ANK3: variants seen among roughly 807,000 people sequenced by gnomAD.
The protein encoded by ANK3 is ankyrin 3, also known as ankyrin-3.
A neutral mutation model predicts 370.9 loss-of-function variants in ANK3; 57 were observed. That is an observed-to-expected ratio of 0.15 (90% CI 0.12 to 0.19). ANK3 has a LOEUF of 0.19. Among genes scored for constraint, ANK3 ranks in the 10% least tolerant of loss-of-function variants. The pLI is 1.00. For missense variants in ANK3, 4,439 were observed against 5,302.1 expected (o/e 0.84, Z 5.06); for synonymous variants, 1,929 against 1,946.3 (o/e 0.99, Z 0.23).
intron 1 of ANK3, among the ~76,000 whole-genome samples, chr10:60,636,941 G>A (rs7069933): frequency 1.3e-5 from 2 of 152,310 alleles, no homozygotes; most frequent in South Asian, 2.1e-4. Flanking sequence ...TAGGGCAGTG[G>A]ATTTCACTTG....
rs183056466 is a variant in ANK3 at position 60,553,485 on chromosome 10, T to C, written c.96+61701A>G. On this transcript the variant is annotated intron_variant, in intron 2 of 43. Transcript: ENST00000373827. ...AATAAAATAAATACCTGCTGATATG[T>C]ACTAATTTGGAAATCTGAAATTCTA... Among the ~76,000 whole-genome samples, 250 of 152,304 alleles carry C rather than the reference T, an allele frequency of 1.6e-3. 1 individual carries two copies. The highest frequency in any genetic ancestry group is 5.7e-3 in the African/African-American group (237 of 41,564).
At chr10:60,034,567 G>T (rs2074484820) in intron 43 of ANK3, among the ~76,000 whole-genome samples, 1 of 152,150 alleles carries the variant, frequency 6.6e-6, no homozygotes, top group Admixed American at 6.5e-5. Flanking sequence ...TGCCTTCTCT[G>T]ATTATCATCT....
intron 2 of ANK3, among the ~76,000 whole-genome samples, chr10:60,504,844 A>G (rs541921543): frequency 6.6e-6 from 1 of 152,250 alleles, no homozygotes; most frequent in Non-Finnish European, 1.5e-5. Context: ...AAGTCTTGAG[A>G]GATATAACAA....
At chr10:60,502,306 A>G (rs1265506410) in intron 2 of ANK3, among the ~76,000 whole-genome samples, 5 of 152,180 alleles carry the variant, frequency 3.3e-5, no homozygotes, top group Non-Finnish European at 5.9e-5. Flanking sequence ...ACAGATGCCA[A>G]TAATAAGCCC....
Position 60,027,806 on chromosome 10 carries a change from T to C in ANK3, c.*2040A>G, listed in dbSNP as rs1375746088. The C allele has an allele frequency of 6.6e-6, 1 of 152,150 alleles. No individual in the cohort carries two copies. The highest frequency in any genetic ancestry group is 2.4e-5 in the African/African-American group (1 of 41,426). 9.4% of individuals were successfully genotyped at this position (152,150 alleles called of 1,614,324 possible). ...GTAGAATTTAGATTCACGCAGTGTATGGGTTGCAAATTCACAGTCAGGTTG... is the reference window on the plus strand; with the variant it reads ...GTAGAATTTAGATTCACGCAGTGTACGGGTTGCAAATTCACAGTCAGGTTG... On this transcript the variant is annotated 3_prime_UTR_variant, in exon 44 of 44. Transcript: ENST00000280772.
At chr10:60,715,615 A>G (rs898970654) in intron 1 of ANK3, among the ~76,000 whole-genome samples, 1 of 152,116 alleles carries the variant, frequency 6.6e-6, no homozygotes, top group African/African-American at 2.4e-5. Context: ...ACTTCTGGAG[A>G]CTTTGTATTT....
chr10:60,639,449 T>C (rs576483890), intron 1 of ANK3, among the ~76,000 whole-genome samples: 4 of 151,408 alleles, frequency 2.6e-5, no homozygotes, highest in East Asian at 3.9e-4. Flanking sequence ...TTTAAAAATA[T>C]TTTAATCTAT....
At chr10:60,451,700 G>A (rs1450387569) in intron 2 of ANK3, among the ~76,000 whole-genome samples, 1 of 152,210 alleles carries the variant, frequency 6.6e-6, no homozygotes, top group Non-Finnish European at 1.5e-5. Context: ...CCAAGGACTA[G>A]CTGGCATTAT....
At chr10:60,128,053 T>C (rs1046055395) in intron 25 of ANK3, among the ~76,000 whole-genome samples, 3 of 152,150 alleles carry the variant, frequency 2.0e-5, no homozygotes, top group African/African-American at 7.2e-5. Flanking sequence ...TTAAAGCACA[T>C]TGAATAAATA....
chr10:60,578,665 G>C (rs2077711151), intron 2 of ANK3, among the ~76,000 whole-genome samples: 1 of 152,104 alleles, frequency 6.6e-6, no homozygotes, highest in South Asian at 2.1e-4. Context: ...CTGTGGAAAA[G>C]TCGTACAAAA....
chr10:60,510,169 A>T (rs1337724509), intron 2 of ANK3, among the ~76,000 whole-genome samples: 2 of 152,128 alleles, frequency 1.3e-5, no homozygotes, highest in Non-Finnish European at 2.9e-5. Context: ...ATTTGCAATC[A>T]TTAAGGTTAT....
chr10:60,059,516 T>C (rs773586952), intron 40 of ANK3, 86 bp from the exon 41 acceptor site: 47 of 1,289,852 alleles, frequency 3.6e-5, no homozygotes, highest in Non-Finnish European at 5.2e-5. Context: ...CCTCAGACTC[T>C]ACTCCTTCTT....
chr10:60,235,036 A>G (rs1403150341), intron 7 of ANK3, among the ~76,000 whole-genome samples: 1 of 152,208 alleles, frequency 6.6e-6, no homozygotes, highest in African/African-American at 2.4e-5. Flanking sequence ...TGACTGATGG[A>G]TGAAGTGATA....
chr10:60,386,607 T>G (rs1476495032), intron 1 of ANK3, among the ~76,000 whole-genome samples: 1 of 152,064 alleles, frequency 6.6e-6, no homozygotes, highest in Non-Finnish European at 1.5e-5. Flanking sequence ...TATGTATAAT[T>G]CATTGAGTTT....
At chr10:60,221,567 A>T (rs187775406) in intron 8 of ANK3, among the ~76,000 whole-genome samples, 231 of 152,290 alleles carry the variant, frequency 1.5e-3, no homozygotes, top group Non-Finnish European at 2.6e-3. Context: ...TATTATTTTG[A>T]AGCAAATCCA....
intron 2 of ANK3, among the ~76,000 whole-genome samples, chr10:60,599,975 C>T (rs1242465187): frequency 6.6e-6 from 1 of 152,046 alleles, no homozygotes; most frequent in Non-Finnish European, 1.5e-5. Flanking sequence ...TTAGAATGTA[C>T]CAAGGTCCAT....
At chr10:60,419,707 T>C (rs1317424618) in intron 2 of ANK3, among the ~76,000 whole-genome samples, 1 of 152,178 alleles carries the variant, frequency 6.6e-6, no homozygotes, top group African/African-American at 2.4e-5. Context: ...TTCTAATTTT[T>C]AGTCCAGGGA....
At chr10:60,130,588 T>C (rs766044476) in intron 25 of ANK3, among the ~76,000 whole-genome samples, 1 of 152,238 alleles carries the variant, frequency 6.6e-6, no homozygotes, top group Non-Finnish European at 1.5e-5. Flanking sequence ...GGAAGAGCTA[T>C]ATTTTGAACA....
intron 29 of ANK3, among the ~76,000 whole-genome samples, chr10:60,087,681 C>T (rs10761450): frequency 0.57 from 87,207 of 152,044 alleles, 27,807 homozygotes; most frequent in Non-Finnish European, 0.73. Context: ...CTGAAATAAA[C>T]ACAAGAAAAA....
Sources: gnomAD v4.1 joint callset for allele counts (sites outside exome capture counted in the v4.1 genomes callset) on GRCh38, gnomAD v4.1.1 for gene constraint, MANE v1.5 for transcripts, NCBI Gene and HGNC (gene_info 2026-07-23, HGNC 2026-07-21) for gene names.